The following LRFN5 variants were observed in gnomAD, a reference collection of about 807,000 sequenced individuals.
LRFN5 encodes leucine-rich repeat and fibronectin type-III domain-containing protein 5.
Under a neutral mutation model 45.6 loss-of-function variants are expected in LRFN5, and 24 were observed. The observed-to-expected ratio is 0.53, with a 90% CI of 0.38 to 0.74. The LOEUF is 0.74. Ranked by LOEUF, LRFN5 falls within the 30% of genes least tolerant of loss-of-function variation. LRFN5 has a pLI of 0.00. For missense variants in LRFN5, 776 were observed against 861.5 expected, an observed-to-expected ratio of 0.90 and a Z score of 1.24; for synonymous variants, 340 against 313.8, an observed-to-expected ratio of 1.08 and a Z score of -0.88.
At position 41,891,283 on chromosome 14, in the gene LRFN5, C is replaced by G; in HGVS notation, c.1419C>G (p.Val473=). ...CTCCTACGAGCAAAACTTTTCTGGT[C>G]AATAATCTGGCTGCTGGAACTATGT... ...MIPPTSKTFL[V]NNLAAGTMYD... The change falls in exon 4 of 6, where the codon GTC becomes GTG. Residue 473 remains valine (V), a synonymous_variant. Transcript: ENST00000298119. The G allele has an allele frequency of 6.2e-7, 1 of 1,613,854 alleles. No homozygotes were observed.
At chr14:41,890,510 A>G (rs1399308276) in intron 3 of LRFN5, among the ~76,000 whole-genome samples, 1 of 151,476 alleles carries the variant, frequency 6.6e-6, no homozygotes, top group East Asian at 2.0e-4. Flanking sequence ...GATCGAGACC[A>G]TCCTGGCTAA....
At chr14:41,828,482 T>G (rs1469896641) in intron 2 of LRFN5, among the ~76,000 whole-genome samples, 1 of 152,060 alleles carries the variant, frequency 6.6e-6, no homozygotes, top group Non-Finnish European at 1.5e-5. Flanking sequence ...CAAATGCTTC[T>G]TTAACAAGCA....
chr14:41,855,831 A>G (rs1048549848), intron 2 of LRFN5, among the ~76,000 whole-genome samples: 1 of 152,176 alleles, frequency 6.6e-6, no homozygotes, highest in African/African-American at 2.4e-5. Flanking sequence ...ATCTAACCAA[A>G]TAAAATATTT....
intron 2 of LRFN5, among the ~76,000 whole-genome samples, chr14:41,879,610 T>C (rs934752921): frequency 6.6e-6 from 1 of 151,410 alleles, no homozygotes; most frequent in African/African-American, 2.4e-5. Context: ...TATATTATGA[T>C]AGATATGTGG....
At chr14:41,681,828 T>TTTATTTA (rs1566618949) in intron 1 of LRFN5, among the ~76,000 whole-genome samples, 9 of 36,082 alleles carry the variant, frequency 2.5e-4, no homozygotes, top group African/African-American at 1.5e-3. Flanking sequence ...TTATTTATTT[T>TTTATTTA]TTTTTTTTGT....
At chr14:41,652,949 A>G (rs1880201477) in intron 1 of LRFN5, among the ~76,000 whole-genome samples, 1 of 152,096 alleles carries the variant, frequency 6.6e-6, no homozygotes, top group South Asian at 2.1e-4. Context: ...TTGTTGTCAC[A>G]TGTATGTCTT....
At chr14:41,741,639 G>T (rs1884696940) in intron 1 of LRFN5, among the ~76,000 whole-genome samples, 1 of 151,566 alleles carries the variant, frequency 6.6e-6, no homozygotes, top group Admixed American at 6.7e-5. Flanking sequence ...GTCTGGGCAA[G>T]GATTTCTGGG....
chr14:41,671,637 T>TTTTTTTTTTTTAC (rs61290111), intron 1 of LRFN5, among the ~76,000 whole-genome samples: 1 of 143,612 alleles, frequency 7.0e-6, no homozygotes, highest in African/African-American at 2.6e-5. Context: ...TTTTTTTTTT[T>TTTTTTTTTTTTAC]ACGGAGTTTC....
intron 1 of LRFN5, among the ~76,000 whole-genome samples, chr14:41,669,464 A>T (rs1303319954): frequency 6.6e-6 from 1 of 152,034 alleles, no homozygotes; most frequent in Non-Finnish European, 1.5e-5. Context: ...TCATATAGAA[A>T]ATTATATCTA....
chr14:41,747,747 G>T (rs767263159), intron 1 of LRFN5, among the ~76,000 whole-genome samples: 2 of 151,906 alleles, frequency 1.3e-5, no homozygotes, highest in African/African-American at 4.8e-5. Flanking sequence ...ATGGGAGAAA[G>T]TATTTGGAAA....
chr14:41,683,921 ATTC>A (rs934233371), intron 1 of LRFN5, among the ~76,000 whole-genome samples: 31 of 152,232 alleles, frequency 2.0e-4, no homozygotes, highest in African/African-American at 6.5e-4. Context: ...TACCAATGTT[ATTC>A]TTCACAGAAA....
At chr14:41,634,674 C>T (rs1269192141) in intron 1 of LRFN5, among the ~76,000 whole-genome samples, 3 of 152,086 alleles carry the variant, frequency 2.0e-5, no homozygotes, top group Non-Finnish European at 2.9e-5. Context: ...GATTCTAAGA[C>T]CTGTATGTTC....
chr14:41,893,517 G>A, intron 4 of LRFN5: 1 of 984,788 alleles, frequency 1.0e-6, no homozygotes, highest in Non-Finnish European at 1.2e-6. Context: ...TACTCTTTGG[G>A]AGTAAGTTAA....
intron 1 of LRFN5, among the ~76,000 whole-genome samples, chr14:41,623,255 C>T (rs982752221): frequency 6.6e-6 from 1 of 152,088 alleles, no homozygotes; most frequent in Admixed American, 6.6e-5. Flanking sequence ...TTTGTGTCCC[C>T]ACCCGAATCT....
chr14:41,793,492 T>C (rs1887008477), intron 2 of LRFN5, among the ~76,000 whole-genome samples: 1 of 152,132 alleles, frequency 6.6e-6, no homozygotes, highest in Non-Finnish European at 1.5e-5. Flanking sequence ...TCTCACCTCA[T>C]GGTGTAATCT....
Position 41,886,971 on chromosome 14 carries a change from A to G in LRFN5, c.346A>G (p.Asn116Asp). 1.2e-6 allele frequency: 2 copies of G among 1,614,194 alleles called. No individual in the cohort carries two copies. The highest frequency in any genetic ancestry group is 2.2e-5 in the South Asian group (2 of 91,074). Residue 116 changes from asparagine to aspartate, a missense_variant, in exon 3 of 6, where the codon AAT (asparagine) becomes GAT (aspartate). By Grantham distance (23) the Asn-to-Asp change is conservative (BLOSUM62 1). Around this residue, in one of 2 missense-constraint regions of LRFN5, gnomAD observed 311 missense variants for 405.1 expected, o/e 0.77. Coordinates refer to ENST00000298119, the MANE Select transcript of LRFN5 (RefSeq NM_152447.5). Reference protein sequence around the residue: ...LNSNRLTKITNDMFSGLSNLH... With the variant: ...LNSNRLTKITDDMFSGLSNLH... ...TAGCAACAGATTGACTAAAATTACA[A>G]ATGATATGTTCAGTGGTCTTTCCAA...
At chr14:41,616,124 C>T (rs1887918535) in intron 1 of LRFN5, among the ~76,000 whole-genome samples, 1 of 151,988 alleles carries the variant, frequency 6.6e-6, no homozygotes, top group Non-Finnish European at 1.5e-5. Context: ...AGAGAAAATT[C>T]ACTCATACAT....
chr14:41,804,039 TTTTTGGTAGAGGCGG>T (rs1887433306), intron 2 of LRFN5, among the ~76,000 whole-genome samples: 2 of 152,070 alleles, frequency 1.3e-5, no homozygotes, highest in African/African-American at 2.4e-5. Flanking sequence ...AATTTTTGTA[TTTTTGGTAGAGGCGG>T]GGTTTCACCA....
At chr14:41,901,174 G>A (rs1398889645) in intron 5 of LRFN5, among the ~76,000 whole-genome samples, 1 of 151,760 alleles carries the variant, frequency 6.6e-6, no homozygotes, top group African/African-American at 2.4e-5. Context: ...ACACTAAAAT[G>A]AATTGAGAGG....
Sources: allele counts gnomAD v4.1 joint callset (sites outside exome capture counted in the v4.1 genomes callset), GRCh38; gene constraint gnomAD v4.1.1; regional missense constraint gnomAD v4.1.1; transcripts MANE v1.5; gene names NCBI Gene and HGNC (gene_info 2026-07-23, HGNC 2026-07-21).